SNF8: variants seen among roughly 807,000 people sequenced by gnomAD.
SNF8 encodes the protein vacuolar-sorting protein SNF8.
A neutral mutation model predicts 36.8 loss-of-function variants in SNF8; 19 were observed. That is an observed-to-expected ratio of 0.52 (90% CI 0.36 to 0.76). The LOEUF is 0.76. Ranked by LOEUF, SNF8 falls within the 30% of genes least tolerant of loss-of-function variation. The probability of loss-of-function intolerance (pLI) is 0.00; values close to 1 mark genes in which losing one functional copy is unlikely to be tolerated. For missense variants in SNF8, 268 were observed against 322.9 expected, an observed-to-expected ratio of 0.83 and a Z score of 1.30; for synonymous variants, 127 against 127.4, an observed-to-expected ratio of 1.00 and a Z score of 0.02.
chr17:48,936,863 A>G, intron 4 of SNF8, 157 bp downstream of exon 4: 1 of 680,708 alleles, frequency 1.5e-6, no homozygotes, highest in Non-Finnish European at 2.6e-6. Flanking sequence ...ACCCTTGGCC[A>G]TGGAGACTTG....
intron 5 of SNF8, among the ~76,000 whole-genome samples, chr17:48,933,842 T>C (rs1313131800): frequency 6.6e-6 from 1 of 152,222 alleles, no homozygotes; most frequent in Non-Finnish European, 1.5e-5. Flanking sequence ...AGTCAGGCTG[T>C]CTGCTCAGCG....
intron 5 of SNF8, chr17:48,934,360 C>T (rs2040904492): frequency 6.6e-6 from 1 of 151,760 alleles, no homozygotes; most frequent in Non-Finnish European, 1.5e-5. Flanking sequence ...GGCGCGGTGG[C>T]TCACGCCTGT....
chr17:48,935,969 T>C (rs1326662944), intron 5 of SNF8: 2 of 501,756 alleles, frequency 4.0e-6, no homozygotes, highest in African/African-American at 2.0e-5. Flanking sequence ...GCTGTGATCA[T>C]GCCACTGTAC....
At chr17:48,939,784 A>G (rs938855365) in intron 3 of SNF8, among the ~76,000 whole-genome samples, 11 of 151,718 alleles carry the variant, frequency 7.3e-5, no homozygotes, top group Non-Finnish European at 1.2e-4. Flanking sequence ...GTTTATAAGT[A>G]TGAGGAAGGG....
intron 7 of SNF8, among the ~76,000 whole-genome samples, chr17:48,931,003 T>C (rs1159509675): frequency 6.6e-6 from 1 of 152,216 alleles, no homozygotes; most frequent in South Asian, 2.1e-4. Context: ...GCAAACATGA[T>C]TGACCATACT....
At position 48,930,446 on chromosome 17, in the gene SNF8, CCTG is replaced by C; in HGVS notation, c.*26_*28del. ...ATTTGCCACCTCCGCCTCCTCCCTG[CCTG>C]CTGCTGTGTGCCCTTCCACATGCAG... On this transcript the variant is annotated 3_prime_UTR_variant, in exon 8 of 8. Coordinates refer to ENST00000502492, the MANE Select transcript of SNF8 (RefSeq NM_007241.4). 3.2e-5 allele frequency: 49 copies of C among 1,515,656 alleles called. No individual in the cohort carries two copies. Among genetic ancestry groups the C allele is most frequent in the Non-Finnish European group, 4.4e-5 (49 of 1,122,656 alleles). The allele number at this position is 1,515,656 out of a possible 1,614,324, so 93.9% of individuals were successfully genotyped here.
chr17:48,942,647 G>A lies in SNF8; in HGVS notation c.105+1278C>T, dbSNP rs900293893. Among the ~76,000 whole-genome samples the A allele has an allele frequency of 4.6e-5, 7 of 152,228 alleles. No individual in the cohort carries two copies. In the South Asian group the frequency reaches 6.2e-4, roughly 14 times the overall value. ...TAGATGTCATGATGGTGGTGTGGGT[G>A]CCACAGGTTAGGCAATATTTTCATT... On this transcript the variant is annotated intron_variant, in intron 2 of 7. Coordinates refer to ENST00000502492, the MANE Select transcript of SNF8 (RefSeq NM_007241.4).
chr17:48,939,184 C>A (rs973043393), intron 3 of SNF8, among the ~76,000 whole-genome samples: 10 of 151,634 alleles, frequency 6.6e-5, no homozygotes, highest in African/African-American at 2.4e-4. Context: ...ATCACTTGAA[C>A]CCAGGAGAAG....
intron 3 of SNF8, 82 bp downstream of exon 3, chr17:48,940,842 A>C (rs1598092368): frequency 2.6e-6 from 4 of 1,514,168 alleles, no homozygotes; most frequent in Non-Finnish European, 3.6e-6. Flanking sequence ...TGGATGCCCC[A>C]ACAGTGGTAA....
chr17:48,934,012 T>C (rs138709270), intron 5 of SNF8, among the ~76,000 whole-genome samples: 7 of 152,376 alleles, frequency 4.6e-5, no homozygotes, highest in Admixed American at 6.5e-5. Flanking sequence ...AGCTGACTAT[T>C]ATTGCCAAGT....
In SNF8 at chr17:48,930,296, G is replaced by T; in HGVS notation, c.*179C>A. The T allele has an allele frequency of 1.7e-6, 1 of 593,080 alleles. No homozygotes were observed. The highest frequency in any genetic ancestry group is 2.8e-6 in the Non-Finnish European group (1 of 356,576). The allele number at this position is 593,080 out of a possible 1,614,324, so 36.7% of individuals were successfully genotyped here. A position where few individuals can be genotyped will look rare whatever the true frequency, so the allele number is the denominator to read the frequency against. ...GTTAATCAGATTATGCTTACTGAAC[G>T]AGCGAGGTTTTCCTCCAATAAAAAT... On this transcript the variant is annotated 3_prime_UTR_variant, in exon 8 of 8. Coordinates refer to ENST00000502492, the MANE Select transcript of SNF8 (RefSeq NM_007241.4).
chr17:48,934,495 T>G (rs1598085875), intron 5 of SNF8: 1 of 206,388 alleles, frequency 4.8e-6, no homozygotes, highest in Admixed American at 6.1e-5. Flanking sequence ...TCCCAGCTAC[T>G]CAGGAGGCTG....
intron 7 of SNF8, among the ~76,000 whole-genome samples, chr17:48,931,233 T>C (rs1332895620): frequency 6.6e-6 from 1 of 152,270 alleles, no homozygotes; most frequent in Admixed American, 6.5e-5. Flanking sequence ...GAAATTTGTA[T>C]ATATAAAGCT....
rs542344217 is a variant in SNF8 at position 48,944,106 on chromosome 17, T to G, written c.55-131A>C. 3 of 791,304 alleles carry G rather than the reference T, an allele frequency of 3.8e-6. No individual in the cohort carries two copies. In the South Asian group the frequency reaches 4.2e-5, roughly 11 times the overall value. The allele number at this position is 791,304 out of a possible 1,614,324, so 49.0% of individuals were successfully genotyped here. On this transcript the variant is annotated intron_variant, in intron 1 of 7. Coordinates refer to ENST00000502492, the MANE Select transcript of SNF8 (RefSeq NM_007241.4). ...ATCACGAGGTCAGGAGATCGAGCCA[T>G]CCTGGCTAACACAGTGAAACCCCGT...
At chr17:48,944,540 T>G (rs372484109) in intron 1 of SNF8, 141 bp downstream of exon 1, 9 of 955,178 alleles carry the variant, frequency 9.4e-6, no homozygotes, top group East Asian at 2.6e-5. Flanking sequence ...CACCGGAAGC[T>G]GGAGAAATTC....
At chr17:48,936,824 C>T in intron 4 of SNF8, 196 bp downstream of exon 4, 3 of 607,960 alleles carry the variant, frequency 4.9e-6, no homozygotes, top group Admixed American at 5.8e-5. Context: ...CTTTGGAGAA[C>T]AGAGACAATC....
At chr17:48,937,461 C>CTAA (rs1205040245) in intron 3 of SNF8, among the ~76,000 whole-genome samples, 2 of 119,194 alleles carry the variant, frequency 1.7e-5, no homozygotes, top group Admixed American at 8.2e-5. Flanking sequence ...AACCCCATCT[C>CTAA]TAATAATAAT....
rs1396688403 is a variant in SNF8 at position 48,940,969 on chromosome 17, G to A, written c.199C>T (p.Gln67Ter). Residue 67 changes from glutamine to a stop codon, truncating the protein, a stop_gained, in exon 3 of 8, where the codon CAG (glutamine) becomes TAG (stop). Transcript: ENST00000502492. LOFTEE classifies it high-confidence loss of function. ...ATGGTTGCACACATGTCCTGGAACT[G>A]CACACGGAACTCAGGATTCTTCCGG... ...EIRKNPEFRVQFQDMCATIGV... is the reference protein window; with the variant it reads ...EIRKNPEFRV 6.2e-7 allele frequency: 1 copy of A among 1,612,896 alleles called. No homozygotes were observed. Among genetic ancestry groups the A allele is most frequent in the African/African-American group, 1.3e-5 (1 of 74,854 alleles).
Position 48,942,862 on chromosome 17 carries a change from T to C in SNF8, c.105+1063A>G, listed in dbSNP as rs76499891. 3.1e-3 allele frequency among the ~76,000 whole-genome samples: 222 copies of C among 72,214 alleles called. 7 individuals carry two copies. The highest frequency in any genetic ancestry group is 4.0e-3 in the Non-Finnish European group (113 of 28,544). 47.4% of individuals were successfully genotyped at this position (72,214 alleles called of 152,430 possible). A position where few individuals can be genotyped will look rare whatever the true frequency, so the allele number is the denominator to read the frequency against. On this transcript the variant is annotated intron_variant, in intron 2 of 7. Coordinates refer to ENST00000502492, the MANE Select transcript of SNF8 (RefSeq NM_007241.4). ...CGCACCCGGCCTTTTTTTTTTTTTT[T>C]TTTTTTTTTTTGCTTTTTTTTGAGA...
Sources: allele counts gnomAD v4.1 joint callset (sites outside exome capture counted in the v4.1 genomes callset), GRCh38; gene constraint gnomAD v4.1.1; transcripts MANE v1.5; gene names NCBI Gene and HGNC (gene_info 2026-07-23, HGNC 2026-07-21).